The following PCDHA1 variants were observed in gnomAD, a reference collection of about 807,000 sequenced individuals.
PCDHA1 encodes the protein protocadherin alpha 1.
In PCDHA1, 42 loss-of-function variants were observed where a neutral mutation model predicts 61.3. That is an observed-to-expected ratio of 0.69 (90% confidence interval 0.54 to 0.89). The LOEUF (loss-of-function observed/expected upper bound fraction) is 0.89, where lower values mean the gene tolerates loss of function less well. Ranked by LOEUF, PCDHA1 falls within the 40% of genes least tolerant of loss-of-function variation. The pLI is 0.00. For synonymous variants in PCDHA1, 610 were observed against 553.8 expected, an observed-to-expected ratio of 1.10 and a Z score of -1.43; for missense variants, 1,256 against 1,235.3, an observed-to-expected ratio of 1.02 and a Z score of -0.25.
chr5:140,863,548 T>C (rs1370374159), intron 1 of PCDHA1: 6 of 380,478 alleles, frequency 1.6e-5, no homozygotes, highest in South Asian at 4.1e-5. Context: ...TGGACTTCAA[T>C]AGGAAATTTT....
intron 1 of PCDHA1, chr5:140,967,008 A>C: frequency 6.2e-7 from 1 of 1,606,216 alleles, no homozygotes. Context: ...CGCATCAACC[A>C]TCTGGGTGCG....
intron 1 of PCDHA1, chr5:140,848,244 GA>G (rs1299433066): frequency 2.9e-5 from 13 of 449,890 alleles, no homozygotes; most frequent in Non-Finnish European, 5.1e-5. Context: ...AAGTTTTGCA[GA>G]ATAACTGTGA....
chr5:140,852,246 C>T, intron 1 of PCDHA1: 3 of 546,236 alleles, frequency 5.5e-6, no homozygotes, highest in South Asian at 1.6e-4. Flanking sequence ...TTAAAACACA[C>T]TTTTGGAATA....
chr5:140,900,543 C>T (rs889758586), intron 1 of PCDHA1, among the ~76,000 whole-genome samples: 2 of 152,210 alleles, frequency 1.3e-5, no homozygotes, highest in African/African-American at 4.8e-5. Context: ...TTCCAAAGTG[C>T]TGGGATTACA....
At chr5:140,876,935 C>G in intron 1 of PCDHA1, 1 of 1,613,746 alleles carries the variant, frequency 6.2e-7, no homozygotes, top group Non-Finnish European at 8.5e-7. Flanking sequence ...CAGAAGAACG[C>G]GCTGGTGTCC....
chr5:140,797,105 C>T (rs1762184532), intron 1 of PCDHA1: 3 of 1,614,002 alleles, frequency 1.9e-6, no homozygotes, highest in Non-Finnish European at 2.5e-6. Flanking sequence ...TTGGTGCTCA[C>T]GGTGCTGCTG....
rs2150264019 is a variant in PCDHA1 at position 140,836,559 on chromosome 5, C to T, written c.2394+47875C>T. ...GTACACGGCGTTGCGGTGCTCAGCG[C>T]CGTCCTCTGAGGGCGCATGTAGTTT... On this transcript the variant is annotated intron_variant, in intron 1 of 3. Coordinates refer to ENST00000504120, the MANE Select transcript of PCDHA1 (RefSeq NM_018900.4). The T allele has an allele frequency of 2.8e-5, 45 of 1,613,622 alleles. No individual in the cohort carries two copies. Among genetic ancestry groups the T allele is most frequent in the Non-Finnish European group, 3.6e-5 (43 of 1,179,846 alleles).
rs1763532234 is a variant in PCDHA1, at chr5:140,805,236, C to T, written c.2394+16552C>T. The T allele has an allele frequency of 2.2e-6, 3 of 1,346,802 alleles. No individual in the cohort carries two copies. The Admixed American group carries it at 1.1e-4, about 47-fold the overall frequency. The allele number at this position is 1,346,802 out of a possible 1,614,324, so 83.4% of individuals were successfully genotyped here. A position where few individuals can be genotyped will look rare whatever the true frequency, so the allele number is the denominator to read the frequency against. On this transcript the variant is annotated intron_variant, in intron 1 of 3. Transcript: ENST00000504120. ...ATTGTTTTCTATTCTGCTGCATTCCCCATCTGTACATTAAAATACCTGGTA... is the reference window on the plus strand; with the variant it reads ...ATTGTTTTCTATTCTGCTGCATTCCTCATCTGTACATTAAAATACCTGGTA...
At position 140,843,439 on chromosome 5, in the gene PCDHA1, G is replaced by C. The variant is rs2150360020; in HGVS notation, c.2394+54755G>C. On this transcript the variant is annotated intron_variant, in intron 1 of 3. Transcript: ENST00000504120. The stretch of plus-strand genomic sequence containing the variant: ...TGTACCTGATCATCGCCATCTGCGC[G>C]GTATCCAGCCTGCTGGTGCTCACGC... The C allele has an allele frequency of 5.1e-5, 82 of 1,595,976 alleles. 7 individuals carry two copies. In the South Asian group the frequency reaches 8.6e-4, roughly 17 times the overall value.
At chr5:140,840,678 T>G (rs1381034670) in intron 1 of PCDHA1, among the ~76,000 whole-genome samples, 1 of 152,018 alleles carries the variant, frequency 6.6e-6, no homozygotes, top group Non-Finnish European at 1.5e-5. Context: ...TTTTATTACT[T>G]TAGTAAATAA....
rs2153432469 is a variant in PCDHA1, at chr5:140,890,949, A to C, written c.2395-88000A>C. On this transcript the variant is annotated intron_variant, in intron 1 of 3. Transcript: ENST00000504120. The stretch of plus-strand genomic sequence containing the variant: ...CTTTAGTCCAAAGATGCTGGTGAGG[A>C]ATGATTTCAGGTTTTGTTTTTCTGA... 2.0e-5 allele frequency among the ~76,000 whole-genome samples: 3 copies of C among 152,248 alleles called. No individual in the cohort carries two copies. The South Asian group carries it at 6.2e-4, about 32-fold the overall frequency.
At chr5:140,803,429 G>C (rs782400745) in intron 1 of PCDHA1, 1 of 1,614,106 alleles carries the variant, frequency 6.2e-7, no homozygotes, top group African/African-American at 1.3e-5. Flanking sequence ...GCTCCAGCGC[G>C]GTGGGGAGCT....
intron 1 of PCDHA1, chr5:140,796,282 A>G: frequency 6.2e-7 from 1 of 1,614,152 alleles, no homozygotes; most frequent in Non-Finnish European, 8.5e-7. Flanking sequence ...GGCCACCACC[A>G]GCGTGTCCAT....
chr5:140,795,877 A>G (rs1562155662), intron 1 of PCDHA1: 1 of 1,613,968 alleles, frequency 6.2e-7, no homozygotes, highest in African/African-American at 1.3e-5. Flanking sequence ...AATCAGAACT[A>G]AGGGAAAATT....
At chr5:140,963,195 T>TG (rs1323958663) in intron 1 of PCDHA1, among the ~76,000 whole-genome samples, 4 of 150,680 alleles carry the variant, frequency 2.7e-5, no homozygotes, top group Non-Finnish European at 5.9e-5. Flanking sequence ...ACTGTGAAAA[T>TG]GAAAAAAAAA....
intron 1 of PCDHA1, chr5:140,969,441 G>T (rs1554231808): frequency 1.9e-6 from 3 of 1,543,640 alleles, no homozygotes; most frequent in Non-Finnish European, 2.6e-6. Flanking sequence ...GAGTTATCTG[G>T]TAAACTGAGT....
At chr5:140,985,783 A>G (rs1587112463) in intron 3 of PCDHA1, among the ~76,000 whole-genome samples, 1 of 125,324 alleles carries the variant, frequency 8.0e-6, no homozygotes, top group Non-Finnish European at 1.6e-5. Context: ...TCTGTCGCCC[A>G]GGCTGGAGTG....
chr5:140,928,892 T>C, intron 1 of PCDHA1: 1 of 1,614,198 alleles, frequency 6.2e-7, no homozygotes, highest in Non-Finnish European at 8.5e-7. Flanking sequence ...CTTCCAGACT[T>C]TGAAGATGTC....
At chr5:140,906,796 T>C (rs1021322398) in intron 1 of PCDHA1, among the ~76,000 whole-genome samples, 1 of 152,236 alleles carries the variant, frequency 6.6e-6, no homozygotes, top group African/African-American at 2.4e-5. Context: ...ATTCCATGCA[T>C]ACTCTTCCTT....
Sources: gnomAD v4.1 joint callset for allele counts (sites outside exome capture counted in the v4.1 genomes callset) on GRCh38, gnomAD v4.1.1 for gene constraint, MANE v1.5 for transcripts, NCBI Gene and HGNC (gene_info 2026-07-23, HGNC 2026-07-21) for gene names.